The following ADCK1 variants were observed in gnomAD, a reference collection of about 807,000 sequenced individuals.
ADCK1 encodes aarF domain-containing protein kinase 1.
Under a neutral mutation model 52.3 loss-of-function variants are expected in ADCK1, and 41 were observed. The observed-to-expected ratio is 0.78, with a 90% CI of 0.61 to 1.02. ADCK1 has a LOEUF of 1.02. ADCK1 is among the 50% of genes least tolerant of loss of function. The pLI, the probability that ADCK1 is intolerant of heterozygous loss-of-function variation, is 0.00. For missense variants in ADCK1, 658 were observed against 679.5 expected (o/e 0.97, Z 0.35); for synonymous variants, 250 against 274.6 (o/e 0.91, Z 0.89).
At chr14:77,811,554 C>T (rs2081339092) in intron 1 of ADCK1, among the ~76,000 whole-genome samples, 1 of 152,202 alleles carries the variant, frequency 6.6e-6, no homozygotes, top group Non-Finnish European at 1.5e-5. Context: ...CGCCTGTAAT[C>T]CCAGCACTTT....
intron 3 of ADCK1, among the ~76,000 whole-genome samples, chr14:77,843,221 G>T (rs543839274): frequency 1.4e-4 from 21 of 151,964 alleles, no homozygotes; most frequent in Non-Finnish European, 7.4e-5. Context: ...TTTCCCACCA[G>T]CCCCCAAGAG....
At chr14:77,916,019 G>A (rs886611882) in intron 7 of ADCK1, among the ~76,000 whole-genome samples, 1 of 152,208 alleles carries the variant, frequency 6.6e-6, no homozygotes, top group Admixed American at 6.5e-5. Context: ...ATTTTGTGGT[G>A]TCATGTGGTG....
At chr14:77,807,967 C>G (rs2081265549) in intron 1 of ADCK1, among the ~76,000 whole-genome samples, 1 of 152,156 alleles carries the variant, frequency 6.6e-6, no homozygotes, top group Admixed American at 6.6e-5. Flanking sequence ...TAAGAGAGAC[C>G]TGACCAAGAC....
chr14:77,874,408 G>A (rs539822369), intron 4 of ADCK1, among the ~76,000 whole-genome samples: 3 of 152,176 alleles, frequency 2.0e-5, no homozygotes, highest in Non-Finnish European at 4.4e-5. Flanking sequence ...AGGTGAGCAG[G>A]ACTTCAGTGT....
At chr14:77,808,968 A>G (rs1273918258) in intron 1 of ADCK1, among the ~76,000 whole-genome samples, 1 of 152,212 alleles carries the variant, frequency 6.6e-6, no homozygotes, top group Admixed American at 6.6e-5. Context: ...TTATCCATAA[A>G]AGCAGTATAT....
At chr14:77,914,413 T>C (rs2083868473) in intron 7 of ADCK1, 2 of 985,492 alleles carry the variant, frequency 2.0e-6, no homozygotes, top group Non-Finnish European at 2.4e-6. Context: ...CTAGTAGTTC[T>C]TAATTCCATT....
intron 4 of ADCK1, among the ~76,000 whole-genome samples, chr14:77,885,992 G>A (rs76402054): frequency 0.054 from 8,241 of 151,946 alleles, 305 homozygotes; most frequent in Middle Eastern, 0.085. Flanking sequence ...AAGGAGGGAA[G>A]GAAGAAAGAA....
chr14:77,877,895 C>T (rs970097693), intron 4 of ADCK1, among the ~76,000 whole-genome samples: 3 of 152,212 alleles, frequency 2.0e-5, no homozygotes, highest in African/African-American at 7.2e-5. Flanking sequence ...TGTTGAGACA[C>T]TGCACCTGGC....
chr14:77,924,982 ATACTACCTAG>A (rs1458320598), intron 8 of ADCK1, among the ~76,000 whole-genome samples: 1 of 152,194 alleles, frequency 6.6e-6, no homozygotes, highest in Non-Finnish European at 1.5e-5. Flanking sequence ...TACTGAGGAT[ATACTACCTAG>A]TGGGAAAGGG....
intron 4 of ADCK1, among the ~76,000 whole-genome samples, chr14:77,882,490 C>T (rs769583022): frequency 2.0e-5 from 3 of 152,346 alleles, no homozygotes; most frequent in Admixed American, 6.5e-5. Context: ...AAACCAAAAT[C>T]GGCCTGACGT....
intron 7 of ADCK1, among the ~76,000 whole-genome samples, chr14:77,911,328 G>T (rs2083786710): frequency 6.6e-6 from 1 of 152,136 alleles, no homozygotes; most frequent in African/African-American, 2.4e-5. Context: ...TTGGTGCAAA[G>T]GTAAATGTGT....
intron 5 of ADCK1, among the ~76,000 whole-genome samples, chr14:77,898,861 A>C (rs2083468044): frequency 6.6e-6 from 1 of 152,250 alleles, no homozygotes; most frequent in Non-Finnish European, 1.5e-5. Flanking sequence ...AACCCTCAGC[A>C]AGTGGTAGTC....
At chr14:77,918,649 A>G (rs1330674874) in intron 7 of ADCK1, among the ~76,000 whole-genome samples, 2 of 152,228 alleles carry the variant, frequency 1.3e-5, no homozygotes, top group Non-Finnish European at 2.9e-5. Context: ...TTCAGTTCCT[A>G]GAAAGACTAA....
At chr14:77,908,035 A>C in intron 7 of ADCK1, 116 bp downstream of exon 7, 1 of 775,838 alleles carries the variant, frequency 1.3e-6, no homozygotes, top group Middle Eastern at 2.4e-4. Context: ...TGTCTTTAAT[A>C]GGGCCCATTG....
chr14:77,925,957 C>G lies in ADCK1; in HGVS notation c.1202C>G (p.Thr401Ser), dbSNP rs1595100417. 1 of 1,613,982 alleles carries G rather than the reference C, an allele frequency of 6.2e-7. No homozygotes were observed. Among genetic ancestry groups the G allele is most frequent in the Non-Finnish European group, 8.5e-7 (1 of 1,180,048 alleles). ...ATCAGCCAAGCTCCCGTCACTGCCACTGAGGTAGGGGGCCCCTCCAGGCCC... is the reference window on the plus strand; with the variant it reads ...ATCAGCCAAGCTCCCGTCACTGCCAGTGAGGTAGGGGGCCCCTCCAGGCCC... ...RGISQAPVTATEDLEIRNNAA... is the reference protein window; with the variant it reads ...RGISQAPVTASEDLEIRNNAA... Residue 401 changes from threonine (T) to serine (S), a missense_variant, in exon 9 of 11, where the codon ACT becomes AGT. Transcript: ENST00000238561.
intron 3 of ADCK1, among the ~76,000 whole-genome samples, chr14:77,841,551 T>A (rs7493386): frequency 2.7e-5 from 4 of 148,294 alleles, no homozygotes; most frequent in African/African-American, 5.0e-5. Context: ...CAGGCCAGGC[T>A]TAGTGGTTCA....
intron 3 of ADCK1, among the ~76,000 whole-genome samples, chr14:77,826,268 C>G (rs990987472): frequency 6.6e-6 from 1 of 152,192 alleles, no homozygotes; most frequent in Non-Finnish European, 1.5e-5. Context: ...CTTATCCCTT[C>G]TCGTCAGTGT....
intron 1 of ADCK1, among the ~76,000 whole-genome samples, chr14:77,800,886 A>G (rs1210384082): frequency 6.6e-6 from 1 of 152,218 alleles, no homozygotes; most frequent in Non-Finnish European, 1.5e-5. Context: ...AAATATTTGC[A>G]GAGTTGAAGT....
intron 7 of ADCK1, among the ~76,000 whole-genome samples, chr14:77,909,864 G>A (rs778247580): frequency 9.2e-5 from 14 of 152,154 alleles, no homozygotes; most frequent in Non-Finnish European, 2.1e-4. Context: ...ACTTATGAGG[G>A]TGGTCTCATT....
Sources: allele counts gnomAD v4.1 joint callset (sites outside exome capture counted in the v4.1 genomes callset), GRCh38; gene constraint gnomAD v4.1.1; transcripts MANE v1.5; gene names NCBI Gene and HGNC (gene_info 2026-07-23, HGNC 2026-07-21).